Variants in EDA observed in about 807,000 individuals in gnomAD.
The protein encoded by EDA is ectodysplasin-A.
EDA carries 2 observed loss-of-function variants against 23.6 expected under a neutral mutation model. That is an observed-to-expected ratio of 0.08 (90% CI 0.03 to 0.27). The LOEUF is 0.27. Ranked by LOEUF, EDA falls within the 10% of genes least tolerant of loss-of-function variation. EDA has a pLI of 1.00. For synonymous variants in EDA, 131 were observed against 132.0 expected, an observed-to-expected ratio of 0.99 and a Z score of 0.05; for missense variants, 229 against 324.2, an observed-to-expected ratio of 0.71 and a Z score of 2.26.
intron 1 of EDA, among the ~76,000 whole-genome samples, chrX:69,690,143 A>C (rs771404452): frequency 1.2e-4 from 13 of 110,818 alleles, no homozygotes; most frequent in Non-Finnish European, 2.3e-4. Context: ...GATGCCTTTC[A>C]TTTCTTTTTA....
At chrX:69,648,407 A>C (rs928508991) in intron 1 of EDA, among the ~76,000 whole-genome samples, 1 of 111,911 alleles carries the variant, frequency 8.9e-6, no homozygotes, top group African/African-American at 3.2e-5. Context: ...TGAAGCCGCC[A>C]CTGGGAGATC....
intron 1 of EDA, among the ~76,000 whole-genome samples, chrX:69,705,615 T>C (rs2011689396): frequency 8.9e-6 from 1 of 112,389 alleles, no homozygotes; most frequent in Non-Finnish European, 1.9e-5. Flanking sequence ...TATTTGTCTT[T>C]GGGCTTTTAA....
intron 1 of EDA, among the ~76,000 whole-genome samples, chrX:69,899,392 G>C (rs1799133139): frequency 9.0e-6 from 1 of 111,422 alleles, no homozygotes; most frequent in Non-Finnish European, 1.9e-5. Flanking sequence ...CCTCAGGTCT[G>C]TTTACGAAAC....
intron 1 of EDA, among the ~76,000 whole-genome samples, chrX:69,818,082 A>C (rs918298082): frequency 8.9e-6 from 1 of 111,934 alleles, no homozygotes; most frequent in African/African-American, 3.2e-5. Flanking sequence ...AAAACCACAC[A>C]ACCACCTGGA....
chrX:69,825,666 T>C (rs1467155550), intron 1 of EDA, among the ~76,000 whole-genome samples: 1 of 113,290 alleles, frequency 8.8e-6, no homozygotes, highest in African/African-American at 3.2e-5. Flanking sequence ...GATTCATTAA[T>C]TTTTTGAAGG....
intron 1 of EDA, among the ~76,000 whole-genome samples, chrX:69,898,254 C>A (rs753031057): frequency 9.0e-6 from 1 of 111,463 alleles, no homozygotes; most frequent in South Asian, 3.8e-4. Context: ...ACTTTTTATG[C>A]TTTAAGATTT....
intron 1 of EDA, among the ~76,000 whole-genome samples, chrX:69,954,404 C>G (rs994918602): frequency 1.8e-5 from 2 of 110,977 alleles, no homozygotes; most frequent in African/African-American, 6.6e-5. Context: ...AGATGCTTCC[C>G]CTCTTGCTCC....
intron 1 of EDA, among the ~76,000 whole-genome samples, chrX:69,690,565 C>G (rs925259384): frequency 3.6e-5 from 4 of 111,488 alleles, no homozygotes; most frequent in Non-Finnish European, 7.5e-5. Flanking sequence ...ATTTTTATGA[C>G]TATATTCATA....
At chrX:69,814,332 G>C (rs1456582717) in intron 1 of EDA, among the ~76,000 whole-genome samples, 1 of 112,567 alleles carries the variant, frequency 8.9e-6, no homozygotes, top group Non-Finnish European at 1.9e-5. Flanking sequence ...CATTTAAAAA[G>C]CCATGGAAGA....
At chrX:69,904,032 G>A (rs1389354702) in intron 1 of EDA, among the ~76,000 whole-genome samples, 1 of 110,011 alleles carries the variant, frequency 9.1e-6, no homozygotes, top group African/African-American at 3.3e-5. Context: ...GGCTGGTGTC[G>A]AACTCCTGAC....
intron 1 of EDA, among the ~76,000 whole-genome samples, chrX:69,942,210 T>G (rs2018768169): frequency 8.9e-6 from 1 of 111,967 alleles, no homozygotes; most frequent in African/African-American, 3.2e-5. Context: ...CTACTTAGGA[T>G]AAGAGTTATT....
intron 1 of EDA, among the ~76,000 whole-genome samples, chrX:69,641,305 G>A (rs1023753163): frequency 1.1e-4 from 12 of 111,791 alleles, no homozygotes; most frequent in Non-Finnish European, 5.6e-5. Flanking sequence ...AAACGCAATA[G>A]CAATTATGCT....
chrX:69,758,809 T>C (rs192530527), intron 1 of EDA, among the ~76,000 whole-genome samples: 6 of 112,539 alleles, frequency 5.3e-5, no homozygotes, highest in Admixed American at 4.7e-4. Context: ...GCACTCCAGC[T>C]TGAGCAACAA....
intron 1 of EDA, among the ~76,000 whole-genome samples, chrX:69,822,364 GAT>G (rs1384424995): frequency 1.8e-5 from 2 of 111,463 alleles, no homozygotes; most frequent in African/African-American, 6.5e-5. Context: ...GAGATAGTGT[GAT>G]TTTAAAGTGA....
At chrX:69,677,587 G>C (rs200525565) in intron 1 of EDA, among the ~76,000 whole-genome samples, 27 of 100,013 alleles carry the variant, frequency 2.7e-4, no homozygotes, top group South Asian at 1.3e-3. Context: ...CAGTGATGGT[G>C]AGCATTTTTC....
intron 1 of EDA, among the ~76,000 whole-genome samples, chrX:69,847,197 G>T (rs1370601235): frequency 5.4e-5 from 6 of 111,356 alleles, no homozygotes. Flanking sequence ...CAATGAGAAG[G>T]TTCTTAAGGG....
intron 1 of EDA, among the ~76,000 whole-genome samples, chrX:69,766,734 A>G (rs1277208270): frequency 8.9e-6 from 1 of 112,133 alleles, no homozygotes; most frequent in Non-Finnish European, 1.9e-5. Flanking sequence ...GCCATTGTGA[A>G]TAGTGCTGCA....
At chrX:69,621,310 G>C (rs1385183391) in intron 1 of EDA, among the ~76,000 whole-genome samples, 4 of 111,743 alleles carry the variant, frequency 3.6e-5, no homozygotes, top group Non-Finnish European at 7.5e-5. Flanking sequence ...AAATACTCAG[G>C]ACTTAGCTTT....
chrX:69,772,562 G>T (rs1306581181), intron 1 of EDA, among the ~76,000 whole-genome samples: 1 of 111,372 alleles, frequency 9.0e-6, no homozygotes, highest in Non-Finnish European at 1.9e-5. Context: ...TGTCGCTGAG[G>T]ACTGGGGTAT....
Sources: gnomAD v4.1 joint callset for allele counts (sites outside exome capture counted in the v4.1 genomes callset) on GRCh38, gnomAD v4.1.1 for gene constraint, MANE v1.5 for transcripts, NCBI Gene and HGNC (gene_info 2026-07-23, HGNC 2026-07-21) for gene names.